KCNQ3: variants seen among roughly 807,000 people sequenced by gnomAD.
The protein encoded by KCNQ3 is potassium voltage-gated channel subfamily KQT member 3.
Under a neutral mutation model 92.5 loss-of-function variants are expected in KCNQ3, and 30 were observed. That is an observed-to-expected ratio of 0.32 (90% CI 0.24 to 0.44). The LOEUF is 0.44. KCNQ3 is among the 20% of genes least tolerant of loss of function. KCNQ3 has a pLI of 1.00. For synonymous variants in KCNQ3, 450 were observed against 468.8 expected (o/e 0.96, Z 0.52); for missense variants, 913 against 1,140.3 (o/e 0.80, Z 2.87).
rs141821338 is a variant in KCNQ3 at position 132,141,164 on chromosome 8, C to A, written c.1430G>T (p.Arg477Leu). ...NNKERFRTAF[R>L]MKAYAFWQSS... ...CTGCCAGAAAGCGTAGGCTTTCATG[C>A]GGAAGGCCGTGCGGAAACGCTCTTT... The change falls in exon 10 of 15, where the codon CGC (arginine) becomes CTC (leucine). Residue 477 changes from arginine (R) to leucine (L), a missense_variant. Physicochemically the swap from Arg to Leu is moderately radical, Grantham distance 102. Around this residue, in one of 6 missense-constraint regions of KCNQ3, gnomAD observed 182 missense variants for 234.5 expected, o/e 0.78. Coordinates refer to ENST00000388996, the MANE Select transcript of KCNQ3 (RefSeq NM_004519.4). 4 of 1,613,986 alleles carry A rather than the reference C, an allele frequency of 2.5e-6. No homozygotes were observed. The highest frequency in any genetic ancestry group is 2.2e-5 in the South Asian group (2 of 91,076).
chr8:132,417,483 G>A (rs1473465725), intron 1 of KCNQ3, among the ~76,000 whole-genome samples: 1 of 152,236 alleles, frequency 6.6e-6, no homozygotes, highest in Non-Finnish European at 1.5e-5. Flanking sequence ...TCCCATGGGT[G>A]GAGAATAGAT....
At position 132,127,938 on chromosome 8, in the gene KCNQ3, A is replaced by AAAAGT. The variant is rs773544826; in HGVS notation, c.*1319_*1323dup. ...ATCTGGGTTGGTTCCATAAATTTGGAAAAGTAAAATTGGACGGTTCTGGAA... is the reference window on the plus strand; with the variant it reads ...ATCTGGGTTGGTTCCATAAATTTGGAAAAGTAAAGTAAAATTGGACGGTTCTGGAA... On this transcript the variant is annotated 3_prime_UTR_variant, in exon 15 of 15. Coordinates refer to ENST00000388996, the MANE Select transcript of KCNQ3 (RefSeq NM_004519.4). 4.6e-5 allele frequency: 7 copies of AAAAGT among 152,218 alleles called. No individual in the cohort carries two copies. The highest frequency in any genetic ancestry group is 1.0e-4 in the Non-Finnish European group (7 of 68,042). The allele number at this position is 152,218 out of a possible 1,614,324, so 9.4% of individuals were successfully genotyped here. A position where few individuals can be genotyped will look rare whatever the true frequency, so the allele number is the denominator to read the frequency against.
intron 9 of KCNQ3, among the ~76,000 whole-genome samples, chr8:132,145,106 G>C (rs1388011280): frequency 6.6e-6 from 1 of 152,294 alleles, no homozygotes; most frequent in East Asian, 1.9e-4. Flanking sequence ...GGAGAAGCCA[G>C]GGATGCTGTT....
intron 13 of KCNQ3, among the ~76,000 whole-genome samples, chr8:132,134,085 A>G (rs1824979569): frequency 2.0e-5 from 3 of 152,198 alleles, no homozygotes; most frequent in Middle Eastern, 6.3e-3. Flanking sequence ...TGTCATCCAC[A>G]TGGTCTGGGA....
intron 1 of KCNQ3, among the ~76,000 whole-genome samples, chr8:132,284,498 T>TC (rs397783077): frequency 2.0e-5 from 3 of 151,836 alleles, no homozygotes; most frequent in African/African-American, 4.8e-5. Flanking sequence ...ATTTTTTTTT[T>TC]ATCTACTCTT....
intron 9 of KCNQ3, among the ~76,000 whole-genome samples, chr8:132,160,928 T>G (rs541035004): frequency 1.3e-5 from 2 of 152,230 alleles, no homozygotes; most frequent in South Asian, 4.2e-4. Context: ...GCATCATGAG[T>G]TGGGCATCTA....
intron 6 of KCNQ3, 135 bp from the exon 7 acceptor site, chr8:132,172,828 G>A: frequency 2.8e-6 from 2 of 708,222 alleles, no homozygotes; most frequent in African/African-American, 1.7e-5. Flanking sequence ...GTACAAAGAA[G>A]GGAAGGGGGA....
In KCNQ3 at chr8:132,445,577, A is replaced by T. The variant is rs1821654081; in HGVS notation, c.386+34570T>A. Among the ~76,000 whole-genome samples, 3 of 152,220 alleles carry T rather than the reference A, an allele frequency of 2.0e-5. No individual in the cohort carries two copies. The South Asian group carries it at 6.2e-4, about 32-fold the overall frequency. Reference sequence around the variant, plus strand: ...AAAAAACGACTCTAATAAGCAGTAAAGCCATGAAGACATCTTCCCCAATCC... The same window carrying T: ...AAAAAACGACTCTAATAAGCAGTAATGCCATGAAGACATCTTCCCCAATCC... On this transcript the variant is annotated intron_variant, in intron 1 of 14. Transcript: ENST00000388996.
intron 1 of KCNQ3, among the ~76,000 whole-genome samples, chr8:132,232,393 C>T (rs533688853): frequency 6.6e-6 from 1 of 152,166 alleles, no homozygotes; most frequent in African/African-American, 2.4e-5. Context: ...AGGACTCAAT[C>T]GTTGATAATT....
intron 6 of KCNQ3, among the ~76,000 whole-genome samples, chr8:132,173,499 G>A (rs1826449757): frequency 6.6e-6 from 1 of 152,092 alleles, no homozygotes; most frequent in Admixed American, 6.6e-5. Flanking sequence ...GTGGACTTGG[G>A]ATTCCTGGCT....
At position 132,227,124 on chromosome 8, in the gene KCNQ3, G is replaced by A. The variant is rs182153958; in HGVS notation, c.387-40943C>T. ...TTGCCAGGCTGGAGTGCTGTGGCGC[G>A]ATCTCGGGGCTCACTGCAACCTCTG... On this transcript the variant is annotated intron_variant, in intron 1 of 14. Transcript: ENST00000388996. 1.3e-3 allele frequency among the ~76,000 whole-genome samples: 197 copies of A among 148,266 alleles called. 2 individuals are homozygous for A. Among genetic ancestry groups the A allele is most frequent in the Admixed American group, 2.2e-3 (33 of 14,730 alleles).
chr8:132,154,192 AGTTTTTT>A (rs142674482), intron 9 of KCNQ3, among the ~76,000 whole-genome samples: 31,276 of 104,418 alleles, frequency 0.3, 4,712 homozygotes, highest in African/African-American at 0.37. Context: ...AAAGGGTAAA[AGTTTTTT>A]TTTTTTTTTT....
At chr8:132,375,471 G>A (rs1489825803) in intron 1 of KCNQ3, among the ~76,000 whole-genome samples, 1 of 152,068 alleles carries the variant, frequency 6.6e-6, no homozygotes, top group Non-Finnish European at 1.5e-5. Flanking sequence ...AAACTCCACT[G>A]TACACCCCTG....
chr8:132,459,137 T>G (rs1054436237), intron 1 of KCNQ3, among the ~76,000 whole-genome samples: 4 of 152,190 alleles, frequency 2.6e-5, no homozygotes, highest in African/African-American at 9.7e-5. Context: ...TTTTCACCCA[T>G]AATTAAACGG....
At chr8:132,205,654 C>A (rs559201258) in intron 1 of KCNQ3, among the ~76,000 whole-genome samples, 85 of 152,310 alleles carry the variant, frequency 5.6e-4, no homozygotes, top group Non-Finnish European at 1.1e-3. Context: ...GGTAAATGAT[C>A]TTAGCCCTAG....
intron 1 of KCNQ3, among the ~76,000 whole-genome samples, chr8:132,397,262 T>A (rs866270929): frequency 6.6e-6 from 1 of 152,038 alleles, no homozygotes; most frequent in Non-Finnish European, 1.5e-5. Flanking sequence ...TACATCCCCA[T>A]CTGACCGTGC....
chr8:132,413,647 T>C (rs1454065230), intron 1 of KCNQ3, among the ~76,000 whole-genome samples: 1 of 152,216 alleles, frequency 6.6e-6, no homozygotes, highest in East Asian at 1.9e-4. Flanking sequence ...ACTTGTGTGC[T>C]GCAATGGTTA....
chr8:132,215,778 C>A (rs1480121330), intron 1 of KCNQ3, among the ~76,000 whole-genome samples: 1 of 152,188 alleles, frequency 6.6e-6, no homozygotes, highest in Non-Finnish European at 1.5e-5. Flanking sequence ...GGCACGGCTT[C>A]CCTGCCCTGG....
chr8:132,143,140 G>A (rs963636347), intron 9 of KCNQ3, among the ~76,000 whole-genome samples: 4 of 152,198 alleles, frequency 2.6e-5, no homozygotes, highest in African/African-American at 4.8e-5. Context: ...CACTGTTCCA[G>A]CAGTTTGATT....
Sources: gnomAD v4.1 joint callset for allele counts (sites outside exome capture counted in the v4.1 genomes callset) on GRCh38, gnomAD v4.1.1 for gene constraint, gnomAD v4.1.1 regional missense constraint, MANE v1.5 for transcripts, NCBI Gene and HGNC (gene_info 2026-07-23, HGNC 2026-07-21) for gene names.